The following WSCD2 variants were observed in gnomAD, a reference collection of about 807,000 sequenced individuals.
WSCD2 encodes the protein sialate:O-sulfotransferase 2.
WSCD2 carries 28 observed loss-of-function variants against 55.7 expected under a neutral mutation model. The observed-to-expected ratio is 0.50, with a 90% CI of 0.37 to 0.69. The LOEUF (loss-of-function observed/expected upper bound fraction) is 0.69. Among genes scored for constraint, WSCD2 ranks in the 30% least tolerant of loss-of-function variants. The pLI, the probability that WSCD2 is intolerant of heterozygous loss-of-function variation, is 0.00. For missense variants in WSCD2, 616 were observed against 762.1 expected (o/e 0.81, Z 2.26); for synonymous variants, 301 against 301.9 (o/e 1.00, Z 0.03).
chr12:108,216,574 G>A (rs1353900317), intron 4 of WSCD2, among the ~76,000 whole-genome samples: 1 of 152,202 alleles, frequency 6.6e-6, no homozygotes, highest in Non-Finnish European at 1.5e-5. Flanking sequence ...CCAATACAGG[G>A]ATGTGAACCT....
At chr12:108,243,699 T>G (rs891363899) in intron 8 of WSCD2, among the ~76,000 whole-genome samples, 1 of 152,192 alleles carries the variant, frequency 6.6e-6, no homozygotes, top group African/African-American at 2.4e-5. Context: ...ATCCCAGGCT[T>G]CCTGGATCAG....
At position 108,248,830 on chromosome 12, in the gene WSCD2, A is replaced by G; in HGVS notation, c.*487A>G. ...CTCCACCCAAGAAGTGCTGGCACCG[A>G]TGTTTAACTCAGGCCACCTTCTGTT... On this transcript the variant is annotated 3_prime_UTR_variant, in exon 9 of 9. Coordinates refer to ENST00000547525, the MANE Select transcript of WSCD2 (RefSeq NM_014653.4). The surrounding 1 kb of genome is among the most constrained non-coding windows in gnomAD (Gnocchi z 4.3). 3.0e-6 allele frequency: 3 copies of G among 990,010 alleles called. No individual in the cohort carries two copies. The South Asian group carries it at 1.4e-4, about 46-fold the overall frequency. The allele number at this position is 990,010 out of a possible 1,614,324, so 61.3% of individuals were successfully genotyped here.
chr12:108,211,512 T>A (rs974758113), intron 4 of WSCD2, among the ~76,000 whole-genome samples: 2 of 151,996 alleles, frequency 1.3e-5, no homozygotes, highest in African/African-American at 4.8e-5. Flanking sequence ...CCCGGGTGGC[T>A]TTAGCAGAAA....
chr12:108,134,070 G>T (rs1015239620), intron 1 of WSCD2, among the ~76,000 whole-genome samples: 2 of 152,204 alleles, frequency 1.3e-5, no homozygotes, highest in African/African-American at 4.8e-5. Flanking sequence ...CGGACTGCAA[G>T]TGTTGCTGCT....
At chr12:108,130,827 C>T (rs1875428411) in intron 1 of WSCD2, among the ~76,000 whole-genome samples, 1 of 152,092 alleles carries the variant, frequency 6.6e-6, no homozygotes, top group East Asian at 1.9e-4. Flanking sequence ...CTGACATTCT[C>T]ATCCCCACAC....
At chr12:108,130,475 G>GGTGTGTGTGTGTGTGTGTGT (rs559546028) in intron 1 of WSCD2, among the ~76,000 whole-genome samples, 1 of 134,418 alleles carries the variant, frequency 7.4e-6, no homozygotes, top group Non-Finnish European at 1.6e-5. Context: ...TCCATTCTGG[G>GGTGTGTGTGTGTGTGTGTGT]GTGTGTGTGT....
chr12:108,248,038 A>T lies in WSCD2; in HGVS notation c.1393A>T (p.Thr465Ser), dbSNP rs1367002382. The T allele has an allele frequency of 6.2e-7, 1 of 1,614,176 alleles. No individual in the cohort carries two copies. Among genetic ancestry groups the T allele is most frequent in the Non-Finnish European group, 8.5e-7 (1 of 1,180,018 alleles). ...CTATGCCCCGTGGTGGGCCACTCACACACTGGACTGGCTCAAGTTTGGCAA... is the reference window on the plus strand; with the variant it reads ...CTATGCCCCGTGGTGGGCCACTCACTCACTGGACTGGCTCAAGTTTGGCAA... Reference protein sequence around the residue: ...RNYAPWWATHTLDWLKFGKKV... With the variant: ...RNYAPWWATHSLDWLKFGKKV... Residue 465 changes from threonine to serine, a missense_variant, in exon 9 of 9, where the codon ACA becomes TCA. By Grantham distance (58) the Thr-to-Ser change is moderately conservative. Coordinates refer to ENST00000547525, the MANE Select transcript of WSCD2 (RefSeq NM_014653.4). This position sits in a 1 kb window ranked among gnomAD's most constrained non-coding sequence, Gnocchi z 4.3.
chr12:108,249,387 G>A lies in WSCD2; in HGVS notation c.*1044G>A, dbSNP rs185423887. The A allele has an allele frequency of 1.3e-5, 2 of 152,548 alleles. No individual in the cohort carries two copies. Among genetic ancestry groups the A allele is most frequent in the African/African-American group, 4.8e-5 (2 of 41,560 alleles). 9.4% of individuals were successfully genotyped at this position (152,548 alleles called of 1,614,324 possible). On this transcript the variant is annotated 3_prime_UTR_variant, in exon 9 of 9. Coordinates refer to ENST00000547525, the MANE Select transcript of WSCD2 (RefSeq NM_014653.4). ...CCAACAGGGCCAGCTTCCCTTGGGG[G>A]CCCTTTAAGGAATGGGGTGAATGAA...
At chr12:108,227,212 T>TCTGGGACGTG (rs1238504748) in intron 6 of WSCD2, 48 bp downstream of exon 6, 3 of 1,578,162 alleles carry the variant, frequency 1.9e-6, no homozygotes, top group Non-Finnish European at 2.6e-6. Context: ...TCCCAGTGGC[T>TCTGGGACGTG]TCCCTCCCAG....
chr12:108,237,155 C>G (rs1889337270), intron 7 of WSCD2, among the ~76,000 whole-genome samples: 1 of 152,198 alleles, frequency 6.6e-6, no homozygotes, highest in Non-Finnish European at 1.5e-5. Context: ...CTTTCCTGTC[C>G]CAGTAAACTC....
rs1890289028 is a variant in WSCD2, at chr12:108,249,170, C to CT, written c.*829dup. ...GTCACATGCCATGTGCAGAATTTGA[C>CT]TTAAGAGAGAGCCCCAGTGACACAT... On this transcript the variant is annotated 3_prime_UTR_variant, in exon 9 of 9. Coordinates refer to ENST00000547525, the MANE Select transcript of WSCD2 (RefSeq NM_014653.4). The CT allele has an allele frequency of 2.0e-5, 3 of 153,630 alleles. No individual in the cohort carries two copies. In the Admixed American group the frequency reaches 2.0e-4, roughly 10 times the overall value. 9.5% of individuals were successfully genotyped at this position (153,630 alleles called of 1,614,324 possible).
intron 1 of WSCD2, among the ~76,000 whole-genome samples, chr12:108,186,791 T>A (rs1882552898): frequency 6.6e-6 from 1 of 152,216 alleles, no homozygotes; most frequent in East Asian, 1.9e-4. Flanking sequence ...CTTTGAAGAC[T>A]AACTGTAGCT....
intron 1 of WSCD2, among the ~76,000 whole-genome samples, chr12:108,161,849 G>T (rs1879100398): frequency 6.6e-6 from 1 of 152,192 alleles, no homozygotes; most frequent in Non-Finnish European, 1.5e-5. Context: ...TGGGTGAGTT[G>T]CTTTCCCACT....
At chr12:108,148,494 G>C (rs755350394) in intron 1 of WSCD2, among the ~76,000 whole-genome samples, 28 of 152,202 alleles carry the variant, frequency 1.8e-4, no homozygotes, top group Admixed American at 4.6e-4. Context: ...TTTGGAAACA[G>C]TTCAGTGATA....
intron 4 of WSCD2, among the ~76,000 whole-genome samples, chr12:108,211,630 C>CATATAT (rs56944563): frequency 0.011 from 1,533 of 138,470 alleles, 7 homozygotes; most frequent in Non-Finnish European, 0.012. Flanking sequence ...TTTCAAATCC[C>CATATAT]ATATATATAT....
rs1051903380 is a variant in WSCD2 at position 108,207,517 on chromosome 12, A to G, written c.497+1114A>G. On this transcript the variant is annotated intron_variant, in intron 3 of 8. Transcript: ENST00000547525. ...CCTGAGTAGCTGGGACTACAGGCGC[A>G]TGCCACCATGCCTGGCTTTTTTTTT... is the stretch of plus-strand genomic sequence containing the variant. 3.6e-5 allele frequency among the ~76,000 whole-genome samples: 5 copies of G among 139,990 alleles called. No individual in the cohort carries two copies. The East Asian group carries it at 1.0e-3, about 29-fold the overall frequency. 91.8% of individuals were successfully genotyped at this position (139,990 alleles called of 152,430 possible).
At chr12:108,204,459 A>C (rs189879358) in intron 2 of WSCD2, among the ~76,000 whole-genome samples, 2 of 152,020 alleles carry the variant, frequency 1.3e-5, no homozygotes, top group East Asian at 3.9e-4. Flanking sequence ...TCCTCTAGGG[A>C]ATGGCTGAAC....
At chr12:108,224,696 C>T (rs1887887840) in intron 4 of WSCD2, 43 bp from the exon 5 acceptor site, 1 of 1,590,764 alleles carries the variant, frequency 6.3e-7, no homozygotes, top group East Asian at 2.2e-5. Context: ...CCAGATCTGA[C>T]TCCTTGTATA....
chr12:108,227,235 C>T, intron 6 of WSCD2, 71 bp downstream of exon 6: 1 of 1,530,292 alleles, frequency 6.5e-7, no homozygotes, highest in Non-Finnish European at 8.8e-7. Flanking sequence ...GTGTTCCTGC[C>T]AGTCCATCCC....
Sources: gnomAD v4.1 joint callset for allele counts (sites outside exome capture counted in the v4.1 genomes callset) on GRCh38, gnomAD v4.1.1 for gene constraint, Gnocchi (gnomAD v3.1) non-coding constraint, MANE v1.5 for transcripts, NCBI Gene and HGNC (gene_info 2026-07-23, HGNC 2026-07-21) for gene names.